Variants in GALNT1 observed in about 807,000 individuals in gnomAD.
GALNT1 encodes the protein GalNAc transferase 1.
In GALNT1, 17 loss-of-function variants were observed where a neutral mutation model predicts 65.7. The ratio of observed to expected loss-of-function variants is 0.26; its 90% CI spans 0.18 to 0.39. The LOEUF is 0.39. GALNT1 is among the 10% of genes least tolerant of loss of function. The pLI is 1.00. For synonymous variants in GALNT1, 210 were observed against 219.7 expected (o/e 0.96, Z 0.39); for missense variants, 460 against 672.8 (o/e 0.68, Z 3.50).
chr18:35,630,144 TGAGACA>T, intron 1 of GALNT1, among the ~76,000 whole-genome samples: 1 of 152,198 alleles, frequency 6.6e-6, no homozygotes, highest in East Asian at 1.9e-4. Flanking sequence ...GACAGATCAA[TGAGACA>T]GAAAGTTAAC....
intron 3 of GALNT1, among the ~76,000 whole-genome samples, chr18:35,674,103 A>T (rs2047672533): frequency 6.6e-6 from 1 of 152,190 alleles, no homozygotes; most frequent in South Asian, 2.1e-4. Context: ...AAAATTGTAC[A>T]CCTGTATAGG....
intron 1 of GALNT1, among the ~76,000 whole-genome samples, chr18:35,623,291 C>CT (rs111471860): frequency 2.6e-5 from 4 of 151,096 alleles, no homozygotes; most frequent in Non-Finnish European, 5.9e-5. Context: ...AGAAGTCATC[C>CT]TTTTTTTTTC....
intron 3 of GALNT1, 175 bp downstream of exon 3, chr18:35,663,977 T>G (rs1241190290): frequency 1.0e-5 from 6 of 587,200 alleles, no homozygotes; most frequent in African/African-American, 1.9e-5. Flanking sequence ...AAGCTTCTAC[T>G]GATTATTAGC....
chr18:35,671,407 G>A (rs551111316), intron 3 of GALNT1, among the ~76,000 whole-genome samples: 3 of 152,184 alleles, frequency 2.0e-5, no homozygotes, highest in African/African-American at 7.2e-5. Context: ...TTGTAGAGAT[G>A]GGGGTCTCAC....
At chr18:35,691,739 A>G (rs1447700268) in intron 8 of GALNT1, among the ~76,000 whole-genome samples, 2 of 152,198 alleles carry the variant, frequency 1.3e-5, no homozygotes, top group Admixed American at 6.5e-5. Flanking sequence ...CAGTTGTTCC[A>G]TCAGCTATAA....
At chr18:35,661,532 C>T (rs745910176) in intron 2 of GALNT1, among the ~76,000 whole-genome samples, 4 of 151,356 alleles carry the variant, frequency 2.6e-5, no homozygotes, top group Non-Finnish European at 4.4e-5. Context: ...AAATTAAACT[C>T]TCATGTATCC....
rs528674350 is a variant in GALNT1 at position 35,656,215 on chromosome 18, G to A, written c.139+1414G>A. 7.2e-5 allele frequency among the ~76,000 whole-genome samples: 11 copies of A among 152,288 alleles called. No homozygotes were observed. The South Asian group carries it at 1.9e-3, about 26-fold the overall frequency. ...AAGCTCATGGTGTTCTATCTTAAATGTAAAGACTTGACAGTGAGAAAGAAT... is the reference window on the plus strand; with the variant it reads ...AAGCTCATGGTGTTCTATCTTAAATATAAAGACTTGACAGTGAGAAAGAAT... On this transcript the variant is annotated intron_variant, in intron 2 of 11. Transcript: ENST00000269195.
intron 7 of GALNT1, among the ~76,000 whole-genome samples, chr18:35,690,300 T>A (rs2047939143): frequency 6.6e-6 from 1 of 152,140 alleles, no homozygotes; most frequent in African/African-American, 2.4e-5. Context: ...TAGTTGAGAT[T>A]CCTAGGTTCT....
intron 1 of GALNT1, among the ~76,000 whole-genome samples, chr18:35,609,159 G>C (rs987554721): frequency 5.9e-5 from 9 of 152,068 alleles, no homozygotes; most frequent in Non-Finnish European, 1.3e-4. Flanking sequence ...TGCCACTGGT[G>C]GTGTGTTTTA....
intron 3 of GALNT1, among the ~76,000 whole-genome samples, chr18:35,676,316 A>G (rs375323232): frequency 1.3e-4 from 20 of 152,298 alleles, no homozygotes; most frequent in East Asian, 7.7e-4. Flanking sequence ...GAGGGGCTGC[A>G]GTGGAATATA....
At chr18:35,593,859 C>T (rs1157192200) in intron 1 of GALNT1, among the ~76,000 whole-genome samples, 2 of 151,880 alleles carry the variant, frequency 1.3e-5, no homozygotes, top group Admixed American at 6.6e-5. Flanking sequence ...CAGGCACGTG[C>T]CATCACACCT....
chr18:35,669,991 A>G (rs2047608554), intron 3 of GALNT1, among the ~76,000 whole-genome samples: 3 of 152,226 alleles, frequency 2.0e-5, no homozygotes. Context: ...GAGGATTAGA[A>G]TAAAAAAGTG....
At chr18:35,603,778 TG>T (rs1343046733) in intron 1 of GALNT1, among the ~76,000 whole-genome samples, 1 of 152,180 alleles carries the variant, frequency 6.6e-6, no homozygotes, top group Non-Finnish European at 1.5e-5. Flanking sequence ...TGCCCTCCCC[TG>T]GAACTAACAG....
chr18:35,590,865 G>A (rs953201385), intron 1 of GALNT1, among the ~76,000 whole-genome samples: 1 of 152,298 alleles, frequency 6.6e-6, no homozygotes, highest in Admixed American at 6.5e-5. Flanking sequence ...TATTGTGTTC[G>A]TATTAGGACT....
upstream of GALNT1, chr18:35,581,683 G>A (rs1401831719): frequency 8.1e-4 from 1 of 1,230 alleles, no homozygotes; most frequent in Non-Finnish European, 1.5e-3. Context: ...AGGCGGGGGC[G>A]GGCGCGGCGG....
chr18:35,582,574 C>T (rs1233695516), intron 1 of GALNT1, among the ~76,000 whole-genome samples: 3 of 152,202 alleles, frequency 2.0e-5, no homozygotes, highest in Non-Finnish European at 4.4e-5. Flanking sequence ...AACCCGTCTA[C>T]CAAACTCACT....
chr18:35,703,467 A>G, intron 10 of GALNT1, 42 bp from the exon 11 acceptor site: 1 of 1,581,308 alleles, frequency 6.3e-7, no homozygotes, highest in Non-Finnish European at 8.7e-7. Context: ...AATGCTGACT[A>G]ATTTATTTTT....
In GALNT1 at chr18:35,692,164, ATTAT is replaced by A; in HGVS notation, c.1160-14_1160-11del. 1 of 1,598,870 alleles carries A rather than the reference ATTAT, an allele frequency of 6.3e-7. No homozygotes were observed. The highest frequency in any genetic ancestry group is 1.1e-5 in the South Asian group (1 of 89,312). On this transcript the variant is annotated splice_polypyrimidine_tract_variant and intron_variant, in intron 8 of 11. Transcript: ENST00000269195. ...AAACAACACTAATAATTCAGAGTCAATTATTTCTTTCAACAGGTGTTACAAAGGT... is the reference window on the plus strand; with the variant it reads ...AAACAACACTAATAATTCAGAGTCAATTCTTTCAACAGGTGTTACAAAGGT...
At position 35,702,887 on chromosome 18, in the gene GALNT1, TG is replaced by T; in HGVS notation, c.1300-9del. 1 of 1,555,968 alleles carries T rather than the reference TG, an allele frequency of 6.4e-7. No individual in the cohort carries two copies. ...AACTCCTGATATTTTCATTATTTAT[TG>T]TCCCATAGATACGAAATGTGGAAAC... On this transcript the variant is annotated splice_polypyrimidine_tract_variant and intron_variant, in intron 9 of 11. Coordinates refer to ENST00000269195, the MANE Select transcript of GALNT1 (RefSeq NM_020474.4).
Sources: gnomAD v4.1 joint callset for allele counts (sites outside exome capture counted in the v4.1 genomes callset) on GRCh38, gnomAD v4.1.1 for gene constraint, MANE v1.5 for transcripts, NCBI Gene and HGNC (gene_info 2026-07-23, HGNC 2026-07-21) for gene names.